Variants in AEN observed in about 807,000 individuals in gnomAD.
The protein encoded by AEN is apoptosis enhancing nuclease.
In AEN, 21 loss-of-function variants were observed where a neutral mutation model predicts 17.7. The ratio of observed to expected loss-of-function variants is 1.19; its 90% confidence interval spans 0.84 to 1.71. AEN has a LOEUF of 1.71. AEN is among the 40% of genes most tolerant of loss of function. The pLI is 0.00. For synonymous variants in AEN, 190 were observed against 173.0 expected, an observed-to-expected ratio of 1.10 and a Z score of -0.77; for missense variants, 462 against 435.9, an observed-to-expected ratio of 1.06 and a Z score of -0.53.
upstream of AEN, among the ~76,000 whole-genome samples, chr15:88,620,601 G>C (rs34706518): frequency 0.11 from 16,363 of 151,626 alleles, 998 homozygotes; most frequent in Non-Finnish European, 0.14. Flanking sequence ...TTGGAGAGAT[G>C]GGGTTTCATG....
At chr15:88,619,767 T>C (rs1388571702), upstream of AEN, among the ~76,000 whole-genome samples, 1 of 152,070 alleles carries the variant, frequency 6.6e-6, no homozygotes, top group Non-Finnish European at 1.5e-5. Context: ...TGAAGACCGC[T>C]GTCCTATAAC....
upstream of AEN, among the ~76,000 whole-genome samples, chr15:88,619,612 C>T (rs1474209634): frequency 6.6e-6 from 1 of 152,116 alleles, no homozygotes; most frequent in Non-Finnish European, 1.5e-5. Flanking sequence ...TACTTGAACC[C>T]GGGAGGCACA....
chr15:88,618,763 T>C (rs1427419908), upstream of AEN, among the ~76,000 whole-genome samples: 1 of 152,220 alleles, frequency 6.6e-6, no homozygotes, highest in African/African-American at 2.4e-5. Context: ...TTCTTTTAAA[T>C]TCCTGATAAT....
rs1262040356 is a variant in AEN, at chr15:88,631,600, T to A, written c.*1306T>A. 1 of 155,400 alleles carries A rather than the reference T, an allele frequency of 6.4e-6. No homozygotes were observed. The highest frequency in any genetic ancestry group is 1.4e-5 in the Non-Finnish European group (1 of 69,872). 9.6% of individuals were successfully genotyped at this position (155,400 alleles called of 1,614,324 possible). On this transcript the variant is annotated 3_prime_UTR_variant, in exon 4 of 4. Transcript: ENST00000332810. ...TAATGAGCACTAAATGTGAAGTGCT[T>A]GGCACAGTGCCTGGCACATGGTGAG...
the AEN span, among the ~76,000 whole-genome samples, chr15:88,606,595 G>A: frequency 1.3e-5 from 2 of 152,290 alleles, no homozygotes; most frequent in African/African-American, 4.8e-5. Context: ...CCTGCCTCCT[G>A]TTGCCTTGGT....
At chr15:88,619,883 G>C (rs1567100382), upstream of AEN, among the ~76,000 whole-genome samples, 1 of 152,024 alleles carries the variant, frequency 6.6e-6, no homozygotes, top group Non-Finnish European at 1.5e-5. Context: ...ACACCACTCT[G>C]GACATCATGA....
chr15:88,612,371 A>T, the AEN span, among the ~76,000 whole-genome samples: 1 of 151,502 alleles, frequency 6.6e-6, no homozygotes, highest in Non-Finnish European at 1.5e-5. Flanking sequence ...GACACACCTG[A>T]CCTCGGAGCT....
chr15:88,607,761 TATTC>T, the AEN span, among the ~76,000 whole-genome samples: 11 of 152,326 alleles, frequency 7.2e-5, no homozygotes, highest in African/African-American at 2.2e-4. Flanking sequence ...TAAGAATTTT[TATTC>T]ATTATAATTT....
At chr15:88,608,404 C>T in the AEN span, among the ~76,000 whole-genome samples, 1 of 152,148 alleles carries the variant, frequency 6.6e-6, no homozygotes, top group Admixed American at 6.5e-5. Context: ...CTTTTTTCCC[C>T]CTTCATTTTA....
chr15:88,617,815 AATGCTTGGCCC>A (rs2057750718), upstream of AEN, among the ~76,000 whole-genome samples: 1 of 143,682 alleles, frequency 7.0e-6, no homozygotes, highest in South Asian at 2.4e-4. Context: ...GACTAGCTGA[AATGCTTGGCCC>A]ATTGATCAGC....
chr15:88,618,355 T>G (rs1291383241), upstream of AEN, among the ~76,000 whole-genome samples: 3 of 152,254 alleles, frequency 2.0e-5, no homozygotes, highest in Non-Finnish European at 4.4e-5. Context: ...CACACAATTA[T>G]GCAGATAAAT....
the AEN span, among the ~76,000 whole-genome samples, chr15:88,615,877 C>T: frequency 6.6e-6 from 1 of 152,092 alleles, no homozygotes; most frequent in Non-Finnish European, 1.5e-5. Flanking sequence ...AGAATGAGTA[C>T]ACAGGGCAGG....
chr15:88,628,228 G>A, intron 2 of AEN: 1 of 152,366 alleles, frequency 6.6e-6, no homozygotes, highest in Non-Finnish European at 1.5e-5. Context: ...TTGGGGGGAG[G>A]GGCAGTGTGG....
Position 88,630,323 on chromosome 15 carries a change from T to C in AEN, c.*29T>C. The C allele has an allele frequency of 6.4e-7, 1 of 1,551,344 alleles. No homozygotes were observed. Among genetic ancestry groups the C allele is most frequent in the Non-Finnish European group, 8.7e-7 (1 of 1,145,966 alleles). On this transcript the variant is annotated 3_prime_UTR_variant, in exon 4 of 4. Transcript: ENST00000332810. The surrounding 1 kb of genome is among the most constrained non-coding windows in gnomAD (Gnocchi z 5.1). ...GGGGGCGGGGCTCCCTGGCTGGGCT[T>C]CCGGTGTGGCCGGTAGGAAGTGGGG...
the AEN span, among the ~76,000 whole-genome samples, chr15:88,607,860 T>A: frequency 6.6e-6 from 1 of 152,168 alleles, no homozygotes; most frequent in East Asian, 1.9e-4. Flanking sequence ...GCTTTTAAAA[T>A]GCTTTTCTCT....
chr15:88,611,957 A>G, the AEN span: 1 of 475,870 alleles, frequency 2.1e-6, no homozygotes, highest in Non-Finnish European at 4.3e-6. Context: ...AAATGGGGGC[A>G]GCCCCCCTTT....
chr15:88,611,349 A>G, the AEN span, among the ~76,000 whole-genome samples: 1 of 150,794 alleles, frequency 6.6e-6, no homozygotes, highest in Non-Finnish European at 1.5e-5. Flanking sequence ...TAATCCCAGC[A>G]CTTTGAGAGG....
At chr15:88,620,284 TAGTA>T (rs778927827), upstream of AEN, among the ~76,000 whole-genome samples, 6 of 152,198 alleles carry the variant, frequency 3.9e-5, no homozygotes, top group African/African-American at 7.2e-5. Flanking sequence ...ACTGAAATAA[TAGTA>T]AGGTCATTGT....
At chr15:88,605,616 A>G in the AEN span, among the ~76,000 whole-genome samples, 1 of 152,232 alleles carries the variant, frequency 6.6e-6, no homozygotes, top group East Asian at 1.9e-4. The surrounding 1 kb of genome is among the most constrained non-coding windows in gnomAD (Gnocchi z 7.6). Context: ...GGGGAATCAG[A>G]GGCGCCGGGG....
Sources: allele counts gnomAD v4.1 joint callset (sites outside exome capture counted in the v4.1 genomes callset), GRCh38; gene constraint gnomAD v4.1.1; non-coding constraint Gnocchi (gnomAD v3.1); transcripts MANE v1.5; gene names NCBI Gene and HGNC (gene_info 2026-07-23, HGNC 2026-07-21).